Variants in PCDH15 observed in about 807,000 individuals in gnomAD.
PCDH15 encodes the protein protocadherin related 15.
In PCDH15, 129 loss-of-function variants were observed where a neutral mutation model predicts 178.5. The observed-to-expected ratio is 0.72, with a 90% CI of 0.63 to 0.84. The LOEUF is 0.84. Among genes scored for constraint, PCDH15 ranks in the 40% least tolerant of loss-of-function variants. PCDH15 has a pLI of 0.00. For synonymous variants in PCDH15, 800 were observed against 732.0 expected (o/e 1.09, Z -1.50); for missense variants, 2,230 against 2,099.9 (o/e 1.06, Z -1.21).
intron 2 of PCDH15, among the ~76,000 whole-genome samples, chr10:54,625,769 C>G (rs1357305810): frequency 6.6e-6 from 1 of 152,086 alleles, no homozygotes; most frequent in African/African-American, 2.4e-5. Context: ...TAGAGTGAAG[C>G]TTTGCTGAAA....
At chr10:54,077,863 G>A (rs1444401546) in intron 17 of PCDH15, among the ~76,000 whole-genome samples, 1 of 152,040 alleles carries the variant, frequency 6.6e-6, no homozygotes, top group Non-Finnish European at 1.5e-5. Flanking sequence ...AGGAGTTCGA[G>A]TCCAGCCTGG....
In PCDH15 at chr10:54,773,822, C is replaced by T. The variant is rs905398873; in HGVS notation, c.-29+27103G>A. On this transcript the variant is annotated intron_variant, in intron 1 of 37. Coordinates refer to ENST00000644397, the MANE Select transcript of PCDH15 (RefSeq NM_001384140.1). ...AATACCAAGAAAATATCATTCAATG[C>T]TGCAAAAATAACCTAAAGAAAAAAA... 6.5e-4 allele frequency among the ~76,000 whole-genome samples: 98 copies of T among 151,832 alleles called. 1 individual carries two copies. Among genetic ancestry groups the T allele is most frequent in the African/African-American group, 2.1e-3 (86 of 41,412 alleles).
intron 18 of PCDH15, among the ~76,000 whole-genome samples, chr10:54,037,159 T>A (rs2093434856): frequency 6.6e-6 from 1 of 151,964 alleles, no homozygotes; most frequent in African/African-American, 2.4e-5. Flanking sequence ...CTACTCCTAA[T>A]GAAGATGCTG....
intron 3 of PCDH15, among the ~76,000 whole-genome samples, chr10:54,431,784 A>G (rs1337416465): frequency 6.6e-6 from 1 of 152,148 alleles, no homozygotes; most frequent in South Asian, 2.1e-4. Context: ...AGAAACAAAG[A>G]GCACCCCAAC....
intron 2 of PCDH15, among the ~76,000 whole-genome samples, chr10:54,547,801 G>T (rs2086031238): frequency 1.3e-5 from 2 of 151,844 alleles, no homozygotes; most frequent in African/African-American, 2.4e-5. Flanking sequence ...CCTTAGGAAC[G>T]AACAAAAGTG....
intron 2 of PCDH15, among the ~76,000 whole-genome samples, chr10:55,406,679 G>A (rs1838204316): frequency 1.3e-5 from 2 of 152,138 alleles, no homozygotes; most frequent in South Asian, 4.1e-4. Flanking sequence ...GCAGCTGGAT[G>A]TTCAAGTGTG....
chr10:55,030,329 T>C (rs1022385626), intron 2 of PCDH15, among the ~76,000 whole-genome samples: 3 of 152,174 alleles, frequency 2.0e-5, no homozygotes, highest in Non-Finnish European at 4.4e-5. Context: ...CGAGTCTCAG[T>C]TTCCTCAAAT....
chr10:55,524,396 C>A (rs1368610537), intron 2 of PCDH15, among the ~76,000 whole-genome samples: 1 of 151,350 alleles, frequency 6.6e-6, no homozygotes, highest in African/African-American at 2.4e-5. Flanking sequence ...AGCTACTAAG[C>A]CCTTGAAATG....
At chr10:54,011,698 ATTC>A (rs1388178081) in intron 20 of PCDH15, among the ~76,000 whole-genome samples, 5 of 152,330 alleles carry the variant, frequency 3.3e-5, no homozygotes, top group Non-Finnish European at 7.3e-5. Context: ...TTGCTAATAT[ATTC>A]TTCTGTGAAA....
chr10:55,101,241 G>A lies in PCDH15; in HGVS notation c.-80+65335C>T, dbSNP rs1310458751. ...TAAAAATAGAAAAAATAGCTGTGCA[G>A]GGTGGCACGTACCTGTAATCCCAGC... On this transcript the variant is annotated intron_variant, in intron 2 of 5. Transcript: ENST00000458638. Among the ~76,000 whole-genome samples the A allele has an allele frequency of 2.0e-5, 3 of 151,866 alleles. No individual in the cohort carries two copies. The East Asian group carries it at 5.8e-4, about 30-fold the overall frequency.
intron 32 of PCDH15, among the ~76,000 whole-genome samples, chr10:53,825,465 A>G (rs938639234): frequency 3.5e-4 from 53 of 151,824 alleles, no homozygotes; most frequent in Admixed American, 9.2e-4. Context: ...ATTTTAAATG[A>G]GAGTTTAAAA....
intron 1 of PCDH15, among the ~76,000 whole-genome samples, chr10:54,729,483 A>G (rs997147230): frequency 1.3e-5 from 2 of 151,694 alleles, no homozygotes; most frequent in African/African-American, 4.8e-5. Context: ...AATACTAGAC[A>G]TTGTCCCTGG....
At chr10:54,007,493 T>A (rs4935484) in intron 20 of PCDH15, among the ~76,000 whole-genome samples, 85,676 of 151,860 alleles carry the variant, frequency 0.56, 25,417 homozygotes, top group South Asian at 0.7. Flanking sequence ...GTAAATATCT[T>A]GTATATACAA....
intron 2 of PCDH15, among the ~76,000 whole-genome samples, chr10:54,642,960 TGTCCCAGGCTGGA>T (rs111859225): frequency 1.3e-5 from 2 of 152,342 alleles, no homozygotes; most frequent in African/African-American, 4.8e-5. Flanking sequence ...TCTCGCTCTC[TGTCCCAGGCTGGA>T]GTGCAATGGC....
chr10:54,072,503 G>A (rs537734432), intron 17 of PCDH15, among the ~76,000 whole-genome samples: 14 of 152,172 alleles, frequency 9.2e-5, no homozygotes, highest in African/African-American at 3.1e-4. Context: ...GAAAAGGGAA[G>A]TTCCTTCTAT....
chr10:55,491,460 T>A (rs1840415771), intron 2 of PCDH15, among the ~76,000 whole-genome samples: 1 of 151,624 alleles, frequency 6.6e-6, no homozygotes, highest in Non-Finnish European at 1.5e-5. Flanking sequence ...GGTTTCACGA[T>A]GGTTGGGGAA....
intron 16 of PCDH15, 141 bp from the exon 17 acceptor site, chr10:54,079,565 C>A (rs1489669292): frequency 1.2e-6 from 1 of 800,134 alleles, no homozygotes; most frequent in African/African-American, 1.7e-5. Context: ...ATGTATAATA[C>A]TAAGATTCAT....
intron 2 of PCDH15, among the ~76,000 whole-genome samples, chr10:55,050,448 C>CTGTCTTATGAGCTTG (rs1406111646): frequency 1.3e-5 from 2 of 151,930 alleles, no homozygotes; most frequent in Admixed American, 1.3e-4. Flanking sequence ...AAACAAAACA[C>CTGTCTTATGAGCTTG]TGTCCTATGA....
intron 9 of PCDH15, among the ~76,000 whole-genome samples, chr10:54,231,229 C>T (rs1219791004): frequency 1.3e-5 from 2 of 152,222 alleles, no homozygotes; most frequent in Admixed American, 1.3e-4. Context: ...TTCCTGCATC[C>T]AGCCATTCCA....
Sources: allele counts gnomAD v4.1 joint callset (sites outside exome capture counted in the v4.1 genomes callset), GRCh38; gene constraint gnomAD v4.1.1; transcripts MANE v1.5; gene names NCBI Gene and HGNC (gene_info 2026-07-23, HGNC 2026-07-21).